The following KDM4C variants were observed in gnomAD, a reference collection of about 807,000 sequenced individuals.
KDM4C encodes the protein lysine-specific demethylase 4C.
KDM4C carries 81 observed loss-of-function variants against 129.3 expected under a neutral mutation model. The observed-to-expected ratio is 0.63, with a 90% CI of 0.52 to 0.75. The LOEUF is 0.75. Among genes scored for constraint, KDM4C ranks in the 30% least tolerant of loss-of-function variants. The probability of loss-of-function intolerance (pLI) is 0.00; values close to 1 mark genes in which losing one functional copy is unlikely to be tolerated. For synonymous variants in KDM4C, 573 were observed against 456.1 expected, an observed-to-expected ratio of 1.26 and a Z score of -3.26; for missense variants, 1,457 against 1,304.0, an observed-to-expected ratio of 1.12 and a Z score of -1.81.
chr9:6,724,573 C>T lies in KDM4C; in HGVS notation c.49+3576C>T, dbSNP rs976606116. On this transcript the variant is annotated intron_variant, in intron 1 of 17. Coordinates refer to the KDM4C transcript ENST00000536108. ...TGAGACGGATACTTGTTCTGTCGCCCAGGCTGGAGTGCAGTGGCACGATCT... is the reference window on the plus strand; with the variant it reads ...TGAGACGGATACTTGTTCTGTCGCCTAGGCTGGAGTGCAGTGGCACGATCT... Among the ~76,000 whole-genome samples, 16 of 152,214 alleles carry T rather than the reference C, an allele frequency of 1.1e-4. No homozygotes were observed. In the East Asian group the frequency reaches 2.9e-3, roughly 27 times the overall value.
intron 15 of KDM4C, among the ~76,000 whole-genome samples, chr9:7,026,438 A>G (rs370083501): frequency 6.6e-6 from 1 of 152,074 alleles, no homozygotes; most frequent in Admixed American, 6.6e-5. Context: ...TCACTGAAAA[A>G]TCTGCTGCCA....
At chr9:6,804,757 CAA>C (rs778108422) in intron 2 of KDM4C, among the ~76,000 whole-genome samples, 10,383 of 94,422 alleles carry the variant, frequency 0.11, 490 homozygotes, top group Non-Finnish European at 0.16. Flanking sequence ...GACTCCGTCT[CAA>C]AAAAAAAAAA....
At chr9:6,757,917 C>T (rs1818536009), upstream of KDM4C, 1 of 985,312 alleles carries the variant, frequency 1.0e-6, no homozygotes, top group South Asian at 4.7e-5. Flanking sequence ...GCCCACGTGA[C>T]TCACCAAGTG....
chr9:6,936,789 A>G (rs747309458), intron 8 of KDM4C, among the ~76,000 whole-genome samples: 2 of 152,194 alleles, frequency 1.3e-5, no homozygotes, highest in Non-Finnish European at 2.9e-5. Context: ...CTTCCTAATA[A>G]CTATGTGCCC....
At chr9:7,132,910 C>T (rs1411421230) in intron 19 of KDM4C, among the ~76,000 whole-genome samples, 1 of 152,166 alleles carries the variant, frequency 6.6e-6, no homozygotes, top group Non-Finnish European at 1.5e-5. Context: ...TAGCAGGAGT[C>T]CATCACTGAA....
chr9:6,840,079 C>G (rs1444931629), intron 4 of KDM4C, among the ~76,000 whole-genome samples: 3 of 151,182 alleles, frequency 2.0e-5, no homozygotes, highest in Non-Finnish European at 2.9e-5. Context: ...TTATAATTTC[C>G]TCTTTTTTTT....
intron 6 of KDM4C, among the ~76,000 whole-genome samples, chr9:6,882,110 A>T (rs1455052254): frequency 2.0e-5 from 3 of 152,248 alleles, no homozygotes; most frequent in Admixed American, 6.5e-5. Context: ...TAATAAAGCC[A>T]GGAGTTTGAT....
At chr9:7,053,070 C>T (rs1830429581) in intron 17 of KDM4C, among the ~76,000 whole-genome samples, 1 of 152,120 alleles carries the variant, frequency 6.6e-6, no homozygotes, top group South Asian at 2.1e-4. Context: ...AAGTAATAAA[C>T]AACACTAGTA....
At chr9:6,736,727 CAA>C (rs1484006159) in intron 1 of KDM4C, among the ~76,000 whole-genome samples, 1 of 152,032 alleles carries the variant, frequency 6.6e-6, no homozygotes, top group Non-Finnish European at 1.5e-5. Flanking sequence ...AGAACTTCAG[CAA>C]AGTTTTAGGA....
chr9:6,984,673 T>G (rs1817373410), intron 10 of KDM4C, among the ~76,000 whole-genome samples: 3 of 152,172 alleles, frequency 2.0e-5, no homozygotes, highest in Non-Finnish European at 4.4e-5. Flanking sequence ...TGAGTTTTTT[T>G]TTTTTCGTGC....
At chr9:7,035,900 A>G (rs1827566066) in intron 15 of KDM4C, among the ~76,000 whole-genome samples, 1 of 152,054 alleles carries the variant, frequency 6.6e-6, no homozygotes. Context: ...TTTGTAGTAT[A>G]TTTTGATGTC....
intron 1 of KDM4C, among the ~76,000 whole-genome samples, chr9:6,738,427 A>G (rs780119931): frequency 6.6e-6 from 1 of 152,154 alleles, no homozygotes; most frequent in Non-Finnish European, 1.5e-5. Flanking sequence ...GTTAGCAGAA[A>G]CCATGCCACT....
intron 19 of KDM4C, among the ~76,000 whole-genome samples, chr9:7,163,434 A>C (rs1449660377): frequency 4.6e-5 from 7 of 152,102 alleles, no homozygotes; most frequent in Non-Finnish European, 1.0e-4. Flanking sequence ...ATTAAGTCGT[A>C]ACTAATCCTC....
At chr9:6,983,694 C>T (rs1817180232) in intron 9 of KDM4C, among the ~76,000 whole-genome samples, 1 of 151,902 alleles carries the variant, frequency 6.6e-6, no homozygotes, top group African/African-American at 2.4e-5. Context: ...ACATACCTGA[C>T]AATTATACAA....
intron 17 of KDM4C, 105 bp from the exon 18 acceptor site, chr9:7,103,580 G>GTT (rs376435173): frequency 5.1e-3 from 3,144 of 621,474 alleles, no homozygotes; most frequent in South Asian, 0.012. Context: ...GTAATCAGTT[G>GTT]TTTTTTTTTT....
rs556209296 is a variant in KDM4C, at chr9:7,063,600, A to G, written c.2424+14400A>G. On this transcript the variant is annotated intron_variant, in intron 17 of 21. Transcript: ENST00000381309. Reference sequence around the variant, plus strand: ...CTTGCTTTCTGGTCTTAACGATATTACAGGGTAATGGAAGTTATTGAAATT... The same window carrying G: ...CTTGCTTTCTGGTCTTAACGATATTGCAGGGTAATGGAAGTTATTGAAATT... 3.3e-5 allele frequency among the ~76,000 whole-genome samples: 5 copies of G among 152,356 alleles called. No homozygotes were observed. The South Asian group carries it at 1.0e-3, about 32-fold the overall frequency.
At position 6,862,846 on chromosome 9, in the gene KDM4C, CAAAA is replaced by C. The variant is rs908350093; in HGVS notation, c.629+13152_629+13155del. Among the ~76,000 whole-genome samples, 20 of 150,008 alleles carry C rather than the reference CAAAA, an allele frequency of 1.3e-4. 1 individual carries two copies. The highest frequency in any genetic ancestry group is 6.9e-3 in the Middle Eastern group (2 of 290). On this transcript the variant is annotated intron_variant, in intron 5 of 21. Transcript: ENST00000381309. ...AACAAACAAACAAACAAACAAAAAA[CAAAA>C]AAAAATTCAATCATAGGAAATCTTG...
chr9:6,810,350 G>T (rs956997148), intron 3 of KDM4C, among the ~76,000 whole-genome samples: 1 of 152,106 alleles, frequency 6.6e-6, no homozygotes, highest in African/African-American at 2.4e-5. Flanking sequence ...GATATGGTAG[G>T]TGCTTTTTCA....
intron 1 of KDM4C, among the ~76,000 whole-genome samples, chr9:6,765,261 A>C (rs1188755713): frequency 1.3e-5 from 2 of 152,010 alleles, no homozygotes; most frequent in Non-Finnish European, 2.9e-5. Context: ...TCTTTTCTTC[A>C]AACTGTATAC....
Sources: gnomAD v4.1 joint callset for allele counts (sites outside exome capture counted in the v4.1 genomes callset) on GRCh38, gnomAD v4.1.1 for gene constraint, MANE v1.5 for transcripts, NCBI Gene and HGNC (gene_info 2026-07-23, HGNC 2026-07-21) for gene names.